LRP1B: variants seen among roughly 807,000 people sequenced by gnomAD.
LRP1B encodes the protein low-density lipoprotein receptor-related protein 1B.
A neutral mutation model predicts 556.6 loss-of-function variants in LRP1B; 217 were observed. The observed-to-expected ratio is 0.39, with a 90% confidence interval of 0.35 to 0.44. The LOEUF (loss-of-function observed/expected upper bound fraction) is 0.44. LRP1B is among the 20% of genes least tolerant of loss of function. The pLI is 1.00. For synonymous variants in LRP1B, 2,047 were observed against 1,865.8 expected, an observed-to-expected ratio of 1.10 and a Z score of -2.50; for missense variants, 5,053 against 5,620.8, an observed-to-expected ratio of 0.90 and a Z score of 3.23.
intron 7 of LRP1B, among the ~76,000 whole-genome samples, chr2:141,182,485 T>C (rs1272317073): frequency 6.6e-6 from 1 of 151,978 alleles, no homozygotes; most frequent in Non-Finnish European, 1.5e-5. Context: ...CTAGGTTGTT[T>C]CAAATATACA....
At chr2:140,743,333 T>C (rs1688202414) in intron 35 of LRP1B, among the ~76,000 whole-genome samples, 3 of 152,158 alleles carry the variant, frequency 2.0e-5, no homozygotes, top group African/African-American at 7.2e-5. Flanking sequence ...AAATGCAGAT[T>C]CATACATTTG....
Position 141,309,831 on chromosome 2 carries a change from AC to A in LRP1B, c.344-55191del, listed in dbSNP as rs921584027. ...ACGTTCTGCACATGGATCCCACCCC[AC>A]CCCACTTTTTTTTATAAGAAATTCA... On this transcript the variant is annotated intron_variant, in intron 3 of 90. Transcript: ENST00000389484. Among the ~76,000 whole-genome samples, 15 of 151,986 alleles carry A rather than the reference AC, an allele frequency of 9.9e-5. 1 individual carries two copies. Among genetic ancestry groups the A allele is most frequent in the Admixed American group, 7.9e-4 (12 of 15,244 alleles).
At chr2:141,566,541 T>C (rs775031725) in intron 2 of LRP1B, among the ~76,000 whole-genome samples, 1 of 152,234 alleles carries the variant, frequency 6.6e-6, no homozygotes, top group Non-Finnish European at 1.5e-5. Flanking sequence ...TTATTGGTAT[T>C]TGTTTTCCAT....
chr2:141,920,278 T>TGG (rs1391118182), intron 1 of LRP1B, among the ~76,000 whole-genome samples: 9 of 104,872 alleles, frequency 8.6e-5, no homozygotes, highest in East Asian at 3.3e-4. Context: ...TTCTTTTTTT[T>TGG]TGGGGGGGGG....
At chr2:141,302,908 T>G (rs1220541524) in intron 3 of LRP1B, among the ~76,000 whole-genome samples, 1 of 151,992 alleles carries the variant, frequency 6.6e-6, no homozygotes, top group East Asian at 1.9e-4. Context: ...TATCAATAAT[T>G]AAATTTTTAC....
chr2:140,989,415 T>C (rs1190422546), intron 17 of LRP1B, 117 bp downstream of exon 17: 12 of 1,042,870 alleles, frequency 1.2e-5, no homozygotes, highest in Non-Finnish European at 1.6e-5. Flanking sequence ...CATTTACTAC[T>C]GCAATAATCA....
intron 3 of LRP1B, among the ~76,000 whole-genome samples, chr2:141,414,362 A>C (rs2104949516): frequency 8.6e-6 from 1 of 116,340 alleles, no homozygotes; most frequent in African/African-American, 3.1e-5. Context: ...GGAGGGAGGA[A>C]GAGCGGAAAG....
intron 3 of LRP1B, among the ~76,000 whole-genome samples, chr2:141,289,653 C>T (rs1252839767): frequency 1.3e-5 from 2 of 152,070 alleles, no homozygotes; most frequent in Non-Finnish European, 2.9e-5. Flanking sequence ...CCTTAGAATA[C>T]TCTCTTTCTT....
At chr2:141,739,721 A>G (rs1693626898) in intron 2 of LRP1B, among the ~76,000 whole-genome samples, 1 of 151,144 alleles carries the variant, frequency 6.6e-6, no homozygotes. Flanking sequence ...AGCTTTGATC[A>G]ATACCAATGA....
intron 35 of LRP1B, among the ~76,000 whole-genome samples, chr2:140,731,398 G>A (rs1319647879): frequency 2.6e-5 from 4 of 152,142 alleles, no homozygotes; most frequent in Non-Finnish European, 4.4e-5. Flanking sequence ...AATAGTATAA[G>A]AGTTATTAGC....
At chr2:141,613,172 C>T (rs1022057040) in intron 2 of LRP1B, among the ~76,000 whole-genome samples, 19 of 152,014 alleles carry the variant, frequency 1.2e-4, no homozygotes, top group Admixed American at 8.5e-4. Context: ...GTGACAATTG[C>T]CTGTTAAATT....
chr2:141,392,607 C>A (rs1402530571), intron 3 of LRP1B, among the ~76,000 whole-genome samples: 1 of 152,006 alleles, frequency 6.6e-6, no homozygotes, highest in African/African-American at 2.4e-5. Context: ...AATGTAGAAT[C>A]TGCTGGAAGC....
intron 2 of LRP1B, among the ~76,000 whole-genome samples, chr2:141,497,209 T>C (rs1397362947): frequency 3.3e-5 from 5 of 152,138 alleles, no homozygotes; most frequent in African/African-American, 7.2e-5. Flanking sequence ...TTCCTTATTT[T>C]CTCAAAATTT....
At chr2:141,414,401 CAACT>C (rs1468143769) in intron 3 of LRP1B, among the ~76,000 whole-genome samples, 2 of 149,184 alleles carry the variant, frequency 1.3e-5, no homozygotes, top group Non-Finnish European at 3.0e-5. Context: ...GAAAGGAAGA[CAACT>C]AAAGCTTCCC....
chr2:141,586,328 T>G (rs548472982), intron 2 of LRP1B, among the ~76,000 whole-genome samples: 1 of 152,160 alleles, frequency 6.6e-6, no homozygotes, highest in Admixed American at 6.5e-5. Flanking sequence ...CTTACTGAGA[T>G]TTTCATTTTT....
At chr2:140,517,902 G>A (rs1413610629) in intron 49 of LRP1B, among the ~76,000 whole-genome samples, 1 of 151,502 alleles carries the variant, frequency 6.6e-6, no homozygotes, top group African/African-American at 2.4e-5. Context: ...ATAGAGATGA[G>A]GTTTTACCAT....
intron 23 of LRP1B, among the ~76,000 whole-genome samples, chr2:140,896,842 G>T (rs1693969747): frequency 6.6e-6 from 1 of 151,988 alleles, no homozygotes; most frequent in South Asian, 2.1e-4. Flanking sequence ...GACAGGTATT[G>T]CATTCAATAG....
intron 25 of LRP1B, among the ~76,000 whole-genome samples, chr2:140,873,088 C>G (rs568451226): frequency 2.6e-5 from 4 of 151,932 alleles, no homozygotes; most frequent in Admixed American, 2.6e-4. Context: ...AATAAGCTAG[C>G]TTTAAAATTT....
intron 1 of LRP1B, among the ~76,000 whole-genome samples, chr2:142,119,911 C>T (rs1188670006): frequency 1.3e-5 from 2 of 152,106 alleles, no homozygotes; most frequent in Admixed American, 1.3e-4. Flanking sequence ...GTTATTTCTG[C>T]CTCCGAGTCT....
Sources: gnomAD v4.1 joint callset for allele counts (sites outside exome capture counted in the v4.1 genomes callset) on GRCh38, gnomAD v4.1.1 for gene constraint, MANE v1.5 for transcripts, NCBI Gene and HGNC (gene_info 2026-07-23, HGNC 2026-07-21) for gene names.